MAST4: variants seen among roughly 807,000 people sequenced by gnomAD.
The protein encoded by MAST4 is microtubule associated serine/threonine kinase family member 4, also known as microtubule-associated serine/threonine-protein kinase 4.
Under a neutral mutation model 162.7 loss-of-function variants are expected in MAST4, and 89 were observed. That is an observed-to-expected ratio of 0.55 (90% confidence interval 0.46 to 0.65). MAST4 has a LOEUF of 0.65. MAST4 is among the 30% of genes least tolerant of loss of function. The pLI is 0.00. For missense variants in MAST4, 3,153 were observed against 3,374.0 expected (o/e 0.93, Z 1.62); for synonymous variants, 1,479 against 1,361.1 (o/e 1.09, Z -1.91).
At chr5:66,645,483 TG>T (rs1420144761) in intron 1 of MAST4, among the ~76,000 whole-genome samples, 1 of 152,216 alleles carries the variant, frequency 6.6e-6, no homozygotes, top group East Asian at 1.9e-4. Flanking sequence ...GCTGGGGCTT[TG>T]GGGAAGTAGT....
At chr5:67,057,911 A>G (rs943388181) in intron 5 of MAST4, among the ~76,000 whole-genome samples, 9 of 151,728 alleles carry the variant, frequency 5.9e-5, no homozygotes, top group Admixed American at 3.3e-4. Flanking sequence ...AATAGCCAAC[A>G]AAACATGAAA....
At chr5:66,818,753 A>T (rs1580528551) in intron 3 of MAST4, among the ~76,000 whole-genome samples, 1 of 152,192 alleles carries the variant, frequency 6.6e-6, no homozygotes, top group Non-Finnish European at 1.5e-5. Flanking sequence ...AAAGTGCAGG[A>T]AAAAGGGGAG....
intron 5 of MAST4, among the ~76,000 whole-genome samples, chr5:67,070,659 C>T (rs142778850): frequency 1.6e-4 from 25 of 152,332 alleles, no homozygotes; most frequent in African/African-American, 5.5e-4. Flanking sequence ...ATACTGGAAA[C>T]TAAGAACATA....
At chr5:66,788,940 A>C in intron 3 of MAST4, 146 bp downstream of exon 3, 1 of 1,159,872 alleles carries the variant, frequency 8.6e-7, no homozygotes, top group Non-Finnish European at 1.1e-6. Context: ...CTTGCTTTCA[A>C]TGTGCTAATT....
At chr5:66,699,992 A>G (rs971850234) in intron 1 of MAST4, among the ~76,000 whole-genome samples, 4 of 152,116 alleles carry the variant, frequency 2.6e-5, no homozygotes, top group East Asian at 1.9e-4. Flanking sequence ...GAATGAATCA[A>G]TTATTAACAG....
intron 1 of MAST4, among the ~76,000 whole-genome samples, chr5:66,684,357 A>AT (rs113471549): frequency 1.3e-5 from 2 of 151,508 alleles, no homozygotes; most frequent in Admixed American, 6.6e-5. Context: ...TCTTCCAGCT[A>AT]TTTTTTTTTC....
intron 1 of MAST4, among the ~76,000 whole-genome samples, chr5:66,641,342 G>C (rs1003847709): frequency 3.3e-5 from 5 of 152,014 alleles, no homozygotes; most frequent in Admixed American, 1.3e-4. Flanking sequence ...ATTTTTAGTA[G>C]AGACAGAATT....
chr5:66,822,627 ATC>A (rs1757049448), intron 3 of MAST4, among the ~76,000 whole-genome samples: 1 of 152,136 alleles, frequency 6.6e-6, no homozygotes, highest in South Asian at 2.1e-4. Context: ...CCAGGGGGGT[ATC>A]TCTAGTTTCC....
chr5:66,885,973 G>C (rs1203110452), intron 3 of MAST4, among the ~76,000 whole-genome samples: 1 of 152,072 alleles, frequency 6.6e-6, no homozygotes, highest in Non-Finnish European at 1.5e-5. Flanking sequence ...ATTTCATTTA[G>C]TCCTCACAAC....
At chr5:66,630,188 G>A (rs903098381) in intron 1 of MAST4, among the ~76,000 whole-genome samples, 3 of 152,164 alleles carry the variant, frequency 2.0e-5, no homozygotes, top group African/African-American at 7.2e-5. Context: ...TGCTTCTGAT[G>A]TGCAACCAGG....
intron 1 of MAST4, among the ~76,000 whole-genome samples, chr5:66,731,413 C>T (rs900064070): frequency 3.3e-5 from 5 of 152,190 alleles, no homozygotes; most frequent in Non-Finnish European, 1.5e-5. Flanking sequence ...AATGAGATGG[C>T]AACCTATCAA....
chr5:66,703,893 A>C (rs1389962140), intron 1 of MAST4, among the ~76,000 whole-genome samples: 1 of 152,204 alleles, frequency 6.6e-6, no homozygotes, highest in East Asian at 1.9e-4. Context: ...TTTGAGTCAC[A>C]AACTTTTATA....
At chr5:66,893,750 C>G (rs1762509529) in intron 3 of MAST4, among the ~76,000 whole-genome samples, 1 of 152,188 alleles carries the variant, frequency 6.6e-6, no homozygotes, top group Non-Finnish European at 1.5e-5. Context: ...GGTTTTCCAG[C>G]TTGACTACTG....
chr5:66,746,240 G>A (rs1342726313), intron 1 of MAST4, among the ~76,000 whole-genome samples: 2 of 152,168 alleles, frequency 1.3e-5, no homozygotes, highest in Admixed American at 6.5e-5. Context: ...GGATCATTTG[G>A]ATTGGTTGAC....
intron 1 of MAST4, among the ~76,000 whole-genome samples, chr5:66,700,579 G>A (rs540828552): frequency 1.3e-5 from 2 of 152,048 alleles, no homozygotes; most frequent in African/African-American, 4.8e-5. Context: ...AGCTAACTGG[G>A]AGGCTGAGGC....
chr5:66,744,749 C>T (rs1031827294), intron 1 of MAST4, among the ~76,000 whole-genome samples: 5 of 152,184 alleles, frequency 3.3e-5, no homozygotes, highest in Admixed American at 6.5e-5. Flanking sequence ...CTAACCCATT[C>T]ATGAAGGATC....
intron 1 of MAST4, among the ~76,000 whole-genome samples, chr5:66,645,704 G>T (rs1037217691): frequency 1.4e-4 from 22 of 152,088 alleles, no homozygotes; most frequent in African/African-American, 5.3e-4. Flanking sequence ...TTGTTTAACA[G>T]CCCTTTTATT....
chr5:67,078,911 AATATATATATATAT>A lies in MAST4; in HGVS notation c.764-11224_764-11211del, dbSNP rs750951069. 5.3e-3 allele frequency among the ~76,000 whole-genome samples: 201 copies of A among 38,098 alleles called. 6 individuals carry two copies. Among genetic ancestry groups the A allele is most frequent in the African/African-American group, 0.023 (184 of 8,072 alleles). The allele number at this position is 38,098 out of a possible 152,430, so 25.0% of individuals were successfully genotyped here. On this transcript the variant is annotated intron_variant, in intron 5 of 28. Transcript: ENST00000403625. ...TTATATATTTATATATTTTTATATA[AATATATATATATAT>A]ATATATATATATATATATATATATA...
At chr5:66,606,295 C>G (rs1742877226) in intron 1 of MAST4, among the ~76,000 whole-genome samples, 1 of 152,090 alleles carries the variant, frequency 6.6e-6, no homozygotes, top group African/African-American at 2.4e-5. Flanking sequence ...TTGTTCTCAC[C>G]TTGTTGCTTG....
Sources: gnomAD v4.1 joint callset for allele counts (sites outside exome capture counted in the v4.1 genomes callset) on GRCh38, gnomAD v4.1.1 for gene constraint, MANE v1.5 for transcripts, NCBI Gene and HGNC (gene_info 2026-07-23, HGNC 2026-07-21) for gene names.